NEXMIF: variants seen among roughly 807,000 people sequenced by gnomAD.
The protein encoded by NEXMIF is XLMR protein related to neurite extension.
In NEXMIF, 8 loss-of-function variants were observed where a neutral mutation model predicts 62.1. The observed-to-expected ratio is 0.13, with a 90% CI of 0.08 to 0.23. The LOEUF (loss-of-function observed/expected upper bound fraction) is 0.23. Among genes scored for constraint, NEXMIF ranks in the 10% least tolerant of loss-of-function variants. The pLI is 1.00. For missense variants in NEXMIF, 976 were observed against 1,113.3 expected, an observed-to-expected ratio of 0.88 and a Z score of 1.75; for synonymous variants, 404 against 416.6, an observed-to-expected ratio of 0.97 and a Z score of 0.37.
At chrX:74,790,330 T>G (rs1410434998) in intron 1 of NEXMIF, among the ~76,000 whole-genome samples, 1 of 112,858 alleles carries the variant, frequency 8.9e-6, no homozygotes, top group Non-Finnish European at 1.9e-5. Flanking sequence ...GTTCCATTGA[T>G]CTATATCTCT....
chrX:74,850,729 A>G (rs1008447804), intron 1 of NEXMIF, among the ~76,000 whole-genome samples: 2 of 111,468 alleles, frequency 1.8e-5, no homozygotes, highest in Non-Finnish European at 3.8e-5. Context: ...GTCCTCCCGT[A>G]TGAAAGAAAA....
chrX:74,749,255 T>A (rs1038236336), intron 1 of NEXMIF, among the ~76,000 whole-genome samples: 28 of 111,052 alleles, frequency 2.5e-4, no homozygotes, highest in Non-Finnish European at 4.9e-4. Context: ...AAGGATGACC[T>A]TTCTGGAGGT....
intron 1 of NEXMIF, among the ~76,000 whole-genome samples, chrX:74,755,258 C>A (rs1391661433): frequency 8.9e-6 from 1 of 111,739 alleles, no homozygotes; most frequent in Non-Finnish European, 1.9e-5. Flanking sequence ...AGTTTTTTCA[C>A]ATTTATTAAA....
intron 1 of NEXMIF, among the ~76,000 whole-genome samples, chrX:74,902,393 G>T (rs1488742721): frequency 9.2e-6 from 1 of 109,287 alleles, no homozygotes; most frequent in Non-Finnish European, 1.9e-5. Flanking sequence ...ACAGTTTTAT[G>T]TATGCATATG....
intron 1 of NEXMIF, among the ~76,000 whole-genome samples, chrX:74,765,458 C>T (rs1397462341): frequency 9.0e-6 from 1 of 111,557 alleles, no homozygotes; most frequent in East Asian, 2.8e-4. Context: ...CGGATTTGAT[C>T]CTGTCATTAT....
intron 1 of NEXMIF, among the ~76,000 whole-genome samples, chrX:74,759,769 T>TA (rs2080170588): frequency 8.9e-6 from 1 of 111,854 alleles, no homozygotes; most frequent in Non-Finnish European, 1.9e-5. Context: ...GTACCAGTAC[T>TA]ATCCTGTTTT....
chrX:74,897,783 A>T (rs1309640641), intron 1 of NEXMIF, among the ~76,000 whole-genome samples: 1 of 111,961 alleles, frequency 8.9e-6, no homozygotes, highest in East Asian at 2.8e-4. Context: ...ACAAAAATCA[A>T]TCTCAAAAGA....
At chrX:74,768,055 G>A (rs1419282606) in intron 1 of NEXMIF, among the ~76,000 whole-genome samples, 2 of 111,541 alleles carry the variant, frequency 1.8e-5, no homozygotes, top group Non-Finnish European at 3.8e-5. Context: ...AGGGCTCCAC[G>A]TGTGCCTTAC....
At chrX:74,830,714 C>T (rs1397669246) in intron 1 of NEXMIF, among the ~76,000 whole-genome samples, 4 of 111,561 alleles carry the variant, frequency 3.6e-5, no homozygotes, top group African/African-American at 1.3e-4. Flanking sequence ...TTTTGGTGTC[C>T]TCTTCAATTT....
intron 1 of NEXMIF, among the ~76,000 whole-genome samples, chrX:74,924,576 T>C (rs984832398): frequency 1.8e-5 from 2 of 113,392 alleles, no homozygotes; most frequent in Non-Finnish European, 3.7e-5. Context: ...TGCGTGCGTG[T>C]AAGCGCGGCG....
In NEXMIF at chrX:74,751,592, C is replaced by T. The variant is rs185643187; in HGVS notation, c.-47-5895G>A. On this transcript the variant is annotated intron_variant, in intron 1 of 3. Coordinates refer to ENST00000055682, the MANE Select transcript of NEXMIF (RefSeq NM_001008537.3). ...AACCTCCGCCTGCCACTCAGCCTCT[C>T]GAGTAGCTGTGATTACAGGCTACCA... Among the ~76,000 whole-genome samples the T allele has an allele frequency of 4.3e-3, 464 of 106,959 alleles. 1 individual carries two copies. The highest frequency in any genetic ancestry group is 0.015 in the African/African-American group (446 of 29,249). 92.9% of individuals were successfully genotyped at this position (106,959 alleles called of 115,157 possible). A position where few individuals can be genotyped will look rare whatever the true frequency, so the allele number is the denominator to read the frequency against.
At chrX:74,873,267 T>C (rs1173134238) in intron 1 of NEXMIF, among the ~76,000 whole-genome samples, 4 of 111,431 alleles carry the variant, frequency 3.6e-5, no homozygotes, top group African/African-American at 9.8e-5. Context: ...TGTGATAGTT[T>C]ACTGAGAATG....
At chrX:74,907,334 A>ACCCCCCCCCCCCCCCCCCC (rs56726810) in intron 1 of NEXMIF, among the ~76,000 whole-genome samples, 2 of 53,047 alleles carry the variant, frequency 3.8e-5, no homozygotes, top group Admixed American at 1.9e-4. Context: ...AAGCAAGAGC[A>ACCCCCCCCCCCCCCCCCCC]CCCCCCCCCC....
At chrX:74,841,683 C>T (rs2080474400) in intron 1 of NEXMIF, among the ~76,000 whole-genome samples, 1 of 111,897 alleles carries the variant, frequency 8.9e-6, no homozygotes, top group African/African-American at 3.3e-5. Flanking sequence ...GAGTTTTTAA[C>T]ATAAACGGAT....
rs1174456683 is a variant in NEXMIF at position 74,744,050 on chromosome X, A to G, written c.507T>C (p.Asp169=). 8.3e-7 allele frequency: 1 copy of G among 1,209,406 alleles called. No individual in the cohort carries two copies. Among genetic ancestry groups the G allele is most frequent in the African/African-American group, 1.8e-5 (1 of 57,050 alleles). The part of the protein sequence containing the change: ...PEPGISLKVG[D]LNRDYETCAV... ...CACACGTTTCATAATCCCTATTTAG[A>G]TCACCAACTTTCAGACTGATCCCTG... is the stretch of plus-strand genomic sequence containing the variant. Residue 169 remains aspartate, a synonymous_variant, in exon 3 of 4, where the codon GAT becomes GAC. Transcript: ENST00000055682.
At chrX:74,803,574 A>C (rs2080336368) in intron 1 of NEXMIF, among the ~76,000 whole-genome samples, 1 of 108,379 alleles carries the variant, frequency 9.2e-6, no homozygotes, top group Non-Finnish European at 1.9e-5. Flanking sequence ...TCTCAAAAAA[A>C]TAAATAAATA....
chrX:74,801,864 T>G (rs959770357), intron 1 of NEXMIF, among the ~76,000 whole-genome samples: 3 of 111,940 alleles, frequency 2.7e-5, no homozygotes, highest in Non-Finnish European at 5.6e-5. Context: ...CCAGGTAGTA[T>G]TCACCACAAG....
At chrX:74,883,256 G>A (rs2080674042) in intron 1 of NEXMIF, among the ~76,000 whole-genome samples, 1 of 111,923 alleles carries the variant, frequency 8.9e-6, no homozygotes, top group Non-Finnish European at 1.9e-5. Flanking sequence ...TCCTCCAAAG[G>A]AAAGCAGCTC....
intron 1 of NEXMIF, among the ~76,000 whole-genome samples, chrX:74,801,235 G>A (rs1457128293): frequency 2.7e-5 from 3 of 111,788 alleles, no homozygotes; most frequent in South Asian, 3.7e-4. Context: ...AAGACATCAC[G>A]GTTGCTTAGA....
Sources: allele counts gnomAD v4.1 joint callset (sites outside exome capture counted in the v4.1 genomes callset), GRCh38; gene constraint gnomAD v4.1.1; transcripts MANE v1.5; gene names NCBI Gene and HGNC (gene_info 2026-07-23, HGNC 2026-07-21).